Variants in NTN1 observed in about 807,000 individuals in gnomAD.
The protein encoded by NTN1 is netrin-1.
In NTN1, 11 loss-of-function variants were observed where a neutral mutation model predicts 54.2. The observed-to-expected ratio is 0.20, with a 90% CI of 0.13 to 0.34. NTN1 has a LOEUF of 0.34. NTN1 is among the 10% of genes least tolerant of loss of function. NTN1 has a pLI of 1.00. For missense variants in NTN1, 740 were observed against 893.1 expected, an observed-to-expected ratio of 0.83 and a Z score of 2.18; for synonymous variants, 371 against 382.0, an observed-to-expected ratio of 0.97 and a Z score of 0.33.
intron 5 of NTN1, among the ~76,000 whole-genome samples, chr17:9,189,405 G>A (rs535142372): frequency 1.3e-5 from 2 of 152,196 alleles, no homozygotes; most frequent in Non-Finnish European, 2.9e-5. Context: ...AGGCTGTAGT[G>A]CAGTGGCACA....
chr17:9,115,674 C>T (rs373929031), intron 2 of NTN1, among the ~76,000 whole-genome samples: 1 of 152,352 alleles, frequency 6.6e-6, no homozygotes, highest in East Asian at 1.9e-4. Context: ...ACTCATCCTT[C>T]CCCCCCGGGG....
chr17:9,033,064 C>A (rs2091892758), intron 2 of NTN1, among the ~76,000 whole-genome samples: 1 of 149,602 alleles, frequency 6.7e-6, no homozygotes, highest in South Asian at 2.1e-4. Flanking sequence ...AGTGATTCTT[C>A]TGTCTCAGCC....
At chr17:9,052,347 T>TA (rs1466387775) in intron 2 of NTN1, among the ~76,000 whole-genome samples, 4 of 152,208 alleles carry the variant, frequency 2.6e-5, no homozygotes, top group African/African-American at 9.6e-5. Flanking sequence ...GAGGGCATGT[T>TA]ATATGTGCTT....
At chr17:9,071,319 C>T (rs1299804051) in intron 2 of NTN1, among the ~76,000 whole-genome samples, 1 of 152,126 alleles carries the variant, frequency 6.6e-6, no homozygotes, top group Non-Finnish European at 1.5e-5. Context: ...CTGGAACCAC[C>T]GTGTTAAGCT....
chr17:9,023,474 G>C lies in NTN1; in HGVS notation c.1018+83G>C, dbSNP rs1157489858. ...GGGCCTCGCAGCGGCGAGTTCATAGGAGCGCGGGTCGAGGGAACGGCGGGA... is the reference window on the plus strand; with the variant it reads ...GGGCCTCGCAGCGGCGAGTTCATAGCAGCGCGGGTCGAGGGAACGGCGGGA... On this transcript the variant is annotated intron_variant, in intron 2 of 6. Coordinates refer to ENST00000173229, the MANE Select transcript of NTN1 (RefSeq NM_004822.3). The C allele has an allele frequency of 5.3e-6, 7 of 1,313,616 alleles. No individual in the cohort carries two copies. In the African/African-American group the frequency reaches 7.8e-5, roughly 15 times the overall value. The allele number at this position is 1,313,616 out of a possible 1,614,324, so 81.4% of individuals were successfully genotyped here. A position where few individuals can be genotyped will look rare whatever the true frequency, so the allele number is the denominator to read the frequency against.
At chr17:9,043,154 A>T (rs920221509) in intron 2 of NTN1, among the ~76,000 whole-genome samples, 3 of 152,118 alleles carry the variant, frequency 2.0e-5, no homozygotes, top group African/African-American at 7.2e-5. Flanking sequence ...TCACTAAAAT[A>T]TTTTTTAATG....
intron 2 of NTN1, among the ~76,000 whole-genome samples, chr17:9,032,730 C>G (rs557599946): frequency 6.6e-5 from 10 of 152,268 alleles, no homozygotes; most frequent in African/African-American, 2.2e-4. Context: ...TGGACACGGC[C>G]CCCCCAGCCC....
the NTN1 span, among the ~76,000 whole-genome samples, chr17:9,007,110 TTTC>T: frequency 6.6e-6 from 1 of 152,338 alleles, no homozygotes; most frequent in East Asian, 1.9e-4. Flanking sequence ...TTTCTTTTCT[TTTC>T]TTTTTTCTCT....
rs752898701 is a variant in NTN1, at chr17:9,152,504, C to T, written c.1019-10309C>T. The stretch of plus-strand genomic sequence containing the variant: ...AAGGGGGAAGCCTGCAGGGTCATCC[C>T]GCCACCACCCCAGGGCCATGGCAAT... On this transcript the variant is annotated intron_variant, in intron 2 of 6. Coordinates refer to ENST00000173229, the MANE Select transcript of NTN1 (RefSeq NM_004822.3). Among the ~76,000 whole-genome samples, 87 of 152,216 alleles carry T rather than the reference C, an allele frequency of 5.7e-4. 1 individual carries two copies. The highest frequency in any genetic ancestry group is 2.6e-3 in the Admixed American group (40 of 15,282).
intron 2 of NTN1, among the ~76,000 whole-genome samples, chr17:9,150,485 C>A (rs2092324201): frequency 6.6e-6 from 1 of 152,226 alleles, no homozygotes; most frequent in Non-Finnish European, 1.5e-5. Context: ...AGAGAGCACT[C>A]ACCCTCTGCC....
intron 3 of NTN1, 29 bp downstream of exon 3, chr17:9,163,030 T>C (rs893720110): frequency 6.4e-7 from 1 of 1,555,932 alleles, no homozygotes; most frequent in Non-Finnish European, 8.7e-7. Flanking sequence ...GGCGGGGGGC[T>C]GGGGAGACCC....
chr17:9,196,420 CCTCCTGTGGCTG>C (rs1292571438), intron 5 of NTN1, among the ~76,000 whole-genome samples: 1 of 152,232 alleles, frequency 6.6e-6, no homozygotes, highest in East Asian at 1.9e-4. Context: ...CCAGCTGCCG[CCTCCTGTGGCTG>C]TCGTGATTAT....
intron 6 of NTN1, among the ~76,000 whole-genome samples, chr17:9,227,168 C>T (rs1905596484): frequency 6.6e-6 from 1 of 152,154 alleles, no homozygotes; most frequent in African/African-American, 2.4e-5. Context: ...CCACACCACT[C>T]ACAGGCACAC....
chr17:9,147,194 A>G (rs1371287469), intron 2 of NTN1, among the ~76,000 whole-genome samples: 1 of 152,154 alleles, frequency 6.6e-6, no homozygotes, highest in Non-Finnish European at 1.5e-5. Context: ...CCCCGTAAGG[A>G]CTCAGGGTCA....
chr17:9,134,787 C>T (rs112899658), intron 2 of NTN1, among the ~76,000 whole-genome samples: 1 of 152,286 alleles, frequency 6.6e-6, no homozygotes, highest in East Asian at 1.9e-4. Flanking sequence ...GTTTAAGCCT[C>T]AGGCCTGGGG....
chr17:9,083,658 C>T (rs977487916), intron 2 of NTN1, among the ~76,000 whole-genome samples: 11 of 152,228 alleles, frequency 7.2e-5, no homozygotes, highest in Non-Finnish European at 1.5e-4. Context: ...GGAACTGCTG[C>T]ATCCCCTTTG....
chr17:9,085,682 C>T (rs1469547958), intron 2 of NTN1, among the ~76,000 whole-genome samples: 1 of 152,198 alleles, frequency 6.6e-6, no homozygotes, highest in Non-Finnish European at 1.5e-5. Flanking sequence ...CTCAGTGACA[C>T]ACAAGAGAGG....
At chr17:9,143,668 C>T (rs756939240) in intron 2 of NTN1, among the ~76,000 whole-genome samples, 1 of 152,142 alleles carries the variant, frequency 6.6e-6, no homozygotes, top group Non-Finnish European at 1.5e-5. Context: ...TCTAGATGGT[C>T]TCCGTTCTGG....
intron 2 of NTN1, among the ~76,000 whole-genome samples, chr17:9,115,205 T>C (rs908870475): frequency 1.3e-5 from 2 of 152,228 alleles, no homozygotes; most frequent in African/African-American, 4.8e-5. Flanking sequence ...CTTGAGCTCA[T>C]TCATTTGGGT....
Sources: allele counts gnomAD v4.1 joint callset (sites outside exome capture counted in the v4.1 genomes callset), GRCh38; gene constraint gnomAD v4.1.1; transcripts MANE v1.5; gene names NCBI Gene and HGNC (gene_info 2026-07-23, HGNC 2026-07-21).